Variants in TLN2 observed in about 807,000 individuals in gnomAD.
TLN2 encodes the protein talin-2.
A neutral mutation model predicts 294.7 loss-of-function variants in TLN2; 118 were observed. That is an observed-to-expected ratio of 0.40 (90% CI 0.34 to 0.47). The LOEUF (loss-of-function observed/expected upper bound fraction) is 0.47. Among genes scored for constraint, TLN2 ranks in the 20% least tolerant of loss-of-function variants. The pLI, the probability that TLN2 is intolerant of heterozygous loss-of-function variation, is 0.84. For synonymous variants in TLN2, 1,431 were observed against 1,304.5 expected (o/e 1.10, Z -2.09); for missense variants, 3,083 against 3,282.2 (o/e 0.94, Z 1.48).
At chr15:62,765,769 C>T (rs1301098160) in intron 40 of TLN2, among the ~76,000 whole-genome samples, 2 of 152,106 alleles carry the variant, frequency 1.3e-5, no homozygotes, top group East Asian at 3.8e-4. Flanking sequence ...TTGAGGGCAC[C>T]GTGTTTAATA....
At chr15:62,777,123 A>C (rs2063770963) in intron 43 of TLN2, among the ~76,000 whole-genome samples, 1 of 152,206 alleles carries the variant, frequency 6.6e-6, no homozygotes, top group Non-Finnish European at 1.5e-5. Flanking sequence ...CTAATTTTAC[A>C]TGAAAGAAAA....
At chr15:62,572,481 A>G (rs550445509) in intron 1 of TLN2, among the ~76,000 whole-genome samples, 1 of 152,176 alleles carries the variant, frequency 6.6e-6, no homozygotes, top group East Asian at 1.9e-4. Context: ...CCAGGGCTCA[A>G]GCTATCCTCT....
intron 37 of TLN2, chr15:62,758,682 C>T (rs2062463628): frequency 6.6e-6 from 1 of 152,182 alleles, no homozygotes; most frequent in Non-Finnish European, 1.5e-5. Context: ...TCTTGGTCAT[C>T]CCTATGTTTG....
chr15:62,773,259 G>C (rs985775159), intron 42 of TLN2, among the ~76,000 whole-genome samples: 1 of 138,378 alleles, frequency 7.2e-6, no homozygotes, highest in Admixed American at 7.9e-5. Context: ...CTTGGACTTA[G>C]TTTCCTGTGT....
intron 1 of TLN2, among the ~76,000 whole-genome samples, chr15:62,479,563 G>C (rs998090104): frequency 2.6e-5 from 4 of 152,070 alleles, no homozygotes; most frequent in African/African-American, 7.2e-5. Context: ...TGCAACCTCC[G>C]CCTCCTGGGT....
intron 1 of TLN2, among the ~76,000 whole-genome samples, chr15:62,408,203 TAGATA>T (rs1383260372): frequency 6.6e-6 from 1 of 152,164 alleles, no homozygotes; most frequent in Non-Finnish European, 1.5e-5. Flanking sequence ...GGTGTGGCCT[TAGATA>T]AGTCACTGTG....
chr15:62,777,740 T>C (rs1453351804), intron 43 of TLN2, among the ~76,000 whole-genome samples: 1 of 152,188 alleles, frequency 6.6e-6, no homozygotes, highest in Non-Finnish European at 1.5e-5. Context: ...CAAAAGCCCA[T>C]AGTAAACTCT....
rs142533366 is a variant in TLN2 at position 62,673,840 on chromosome 15, C to G, written c.802C>G (p.Leu268Val). Residue 268 changes from leucine to valine, a missense_variant, in exon 10 of 59, where the codon CTG (leucine) becomes GTG (valine). Transcript: ENST00000636159. ...KPGFLDLKEFLPKEYIKQRGA... is the reference protein window; with the variant it reads ...KPGFLDLKEFVPKEYIKQRGA... Reference sequence around the variant, plus strand: ...TCTCTCTCTTAGTCTGAAGGAATTCCTGCCCAAAGAATATATCAAGCAGAG... The same window carrying G: ...TCTCTCTCTTAGTCTGAAGGAATTCGTGCCCAAAGAATATATCAAGCAGAG... 4.3e-4 allele frequency: 695 copies of G among 1,612,938 alleles called. 2 individuals are homozygous for G. Among genetic ancestry groups the G allele is most frequent in the Non-Finnish European group, 8.4e-5 (99 of 1,179,450 alleles).
intron 9 of TLN2, among the ~76,000 whole-genome samples, chr15:62,667,120 C>T (rs557981003): frequency 2.6e-5 from 4 of 152,296 alleles, no homozygotes; most frequent in East Asian, 1.9e-4. Context: ...CGCCCACCAC[C>T]ACGCCCGGCT....
rs2055928259 is a variant in TLN2, at chr15:62,674,609, C to A, written c.853-608C>A. On this transcript the variant is annotated intron_variant, in intron 10 of 58. Transcript: ENST00000636159. Reference sequence around the variant, plus strand: ...CTCCCCCCGCCCTGTTCAAGTGATTCTTGTGCCTCAGCCTACCAAGTAGCT... The same window carrying A: ...CTCCCCCCGCCCTGTTCAAGTGATTATTGTGCCTCAGCCTACCAAGTAGCT... Among the ~76,000 whole-genome samples, 7 of 148,586 alleles carry A rather than the reference C, an allele frequency of 4.7e-5. No homozygotes were observed. In the South Asian group the frequency reaches 1.3e-3, roughly 27 times the overall value.
intron 12 of TLN2, among the ~76,000 whole-genome samples, chr15:62,691,383 C>G (rs1265519934): frequency 1.3e-5 from 2 of 151,992 alleles, no homozygotes; most frequent in African/African-American, 4.8e-5. Context: ...TTTAGTCTAT[C>G]CTGTGAGTTT....
intron 1 of TLN2, among the ~76,000 whole-genome samples, chr15:62,450,394 G>A (rs149951009): frequency 1.3e-5 from 2 of 152,274 alleles, no homozygotes; most frequent in Non-Finnish European, 2.9e-5. Flanking sequence ...AGTTTAACTT[G>A]TATGTAAATA....
intron 51 of TLN2, among the ~76,000 whole-genome samples, chr15:62,806,386 G>A (rs2066288223): frequency 6.6e-6 from 1 of 152,132 alleles, no homozygotes; most frequent in South Asian, 2.1e-4. Flanking sequence ...CGAGGGTGGT[G>A]GATAGGGATT....
At chr15:62,471,016 G>A (rs1473061612) in intron 1 of TLN2, among the ~76,000 whole-genome samples, 2 of 152,190 alleles carry the variant, frequency 1.3e-5, no homozygotes, top group Admixed American at 6.5e-5. Context: ...AAACTCCTCT[G>A]TTTTGCTCCA....
chr15:62,520,569 C>G (rs74020446), intron 1 of TLN2, among the ~76,000 whole-genome samples: 2,590 of 152,282 alleles, frequency 0.017, 78 homozygotes, highest in African/African-American at 0.059. Flanking sequence ...ATATCTACCC[C>G]TCTGTTGGCA....
At chr15:62,466,196 C>T (rs16945101) in intron 1 of TLN2, among the ~76,000 whole-genome samples, 4,982 of 152,184 alleles carry the variant, frequency 0.033, 288 homozygotes, top group African/African-American at 0.11. Flanking sequence ...GCAAAACCTC[C>T]GAAACAGGCC....
chr15:62,422,219 C>CAA (rs386383227), intron 1 of TLN2, among the ~76,000 whole-genome samples: 26,863 of 54,982 alleles, frequency 0.49, 7,001 homozygotes, highest in Middle Eastern at 0.61. Flanking sequence ...AACTCTGTCT[C>CAA]AAAAAAAAAA....
At chr15:62,643,755 G>C (rs1375778038) in intron 3 of TLN2, among the ~76,000 whole-genome samples, 1 of 152,070 alleles carries the variant, frequency 6.6e-6, no homozygotes, top group Non-Finnish European at 1.5e-5. Context: ...AGGAGGTGTG[G>C]AATTGAGCCT....
At chr15:62,786,382 A>C (rs1261494516) in intron 45 of TLN2, among the ~76,000 whole-genome samples, 1 of 152,228 alleles carries the variant, frequency 6.6e-6, no homozygotes, top group Non-Finnish European at 1.5e-5. Context: ...TGGAACATCA[A>C]GCAGGAGCTT....
Sources: allele counts gnomAD v4.1 joint callset (sites outside exome capture counted in the v4.1 genomes callset), GRCh38; gene constraint gnomAD v4.1.1; transcripts MANE v1.5; gene names NCBI Gene and HGNC (gene_info 2026-07-23, HGNC 2026-07-21).